ST8SIA5: variants seen among roughly 807,000 people sequenced by gnomAD.
ST8SIA5 encodes ST8 alpha-N-acetyl-neuraminide alpha-2,8-sialyltransferase 5, also known as alpha-2,8-sialyltransferase 8E.
In ST8SIA5, 24 loss-of-function variants were observed where a neutral mutation model predicts 40.2. The observed-to-expected ratio is 0.60, with a 90% confidence interval of 0.43 to 0.84. The LOEUF is 0.84. Ranked by LOEUF, ST8SIA5 falls within the 40% of genes least tolerant of loss-of-function variation. The probability of loss-of-function intolerance (pLI) is 0.00; values close to 1 mark genes in which losing one functional copy is unlikely to be tolerated. For synonymous variants in ST8SIA5, 198 were observed against 201.8 expected (o/e 0.98, Z 0.16); for missense variants, 465 against 498.5 (o/e 0.93, Z 0.64).
At chr18:46,696,444 C>T (rs949430375) in intron 2 of ST8SIA5, among the ~76,000 whole-genome samples, 2 of 152,298 alleles carry the variant, frequency 1.3e-5, no homozygotes, top group South Asian at 2.1e-4. Context: ...CTGTTACCAG[C>T]GTCTGGGCCC....
chr18:46,719,321 A>G (rs1238005158), intron 1 of ST8SIA5, among the ~76,000 whole-genome samples: 5 of 152,114 alleles, frequency 3.3e-5, no homozygotes, highest in South Asian at 2.1e-4. Context: ...GATCATGGAG[A>G]GAGGGGCAGA....
At chr18:46,723,675 C>G (rs868553496) in intron 1 of ST8SIA5, among the ~76,000 whole-genome samples, 1 of 152,156 alleles carries the variant, frequency 6.6e-6, no homozygotes, top group African/African-American at 2.4e-5. Flanking sequence ...CCTGTAATCC[C>G]AGCACTTTGG....
intron 1 of ST8SIA5, chr18:46,723,127 A>G (rs762352087): frequency 1.0e-4 from 16 of 160,760 alleles, no homozygotes; most frequent in Middle Eastern, 8.1e-4. Flanking sequence ...TTTAAAACCT[A>G]TGTTATCCAG....
intron 1 of ST8SIA5, among the ~76,000 whole-genome samples, chr18:46,710,427 C>CTTTCTGTCTTTTTCTT (rs1555695737): frequency 4.2e-4 from 48 of 114,056 alleles, no homozygotes; most frequent in Non-Finnish European, 8.3e-4. Context: ...TTTTCTTTCT[C>CTTTCTGTCTTTTTCTT]TCTCTTTCTT....
intron 1 of ST8SIA5, among the ~76,000 whole-genome samples, chr18:46,720,497 AACAT>A (rs1461471803): frequency 6.6e-6 from 1 of 152,194 alleles, no homozygotes. Flanking sequence ...ATTGAATAAA[AACAT>A]ACATATCAGG....
chr18:46,727,267 G>GT (rs2039940513), intron 1 of ST8SIA5, among the ~76,000 whole-genome samples: 1 of 152,212 alleles, frequency 6.6e-6, no homozygotes, highest in Non-Finnish European at 1.5e-5. Context: ...TCTGGGATAT[G>GT]TTTATGGAGG....
At chr18:46,711,613 G>A (rs149297751) in intron 1 of ST8SIA5, among the ~76,000 whole-genome samples, 511 of 152,260 alleles carry the variant, frequency 3.4e-3, no homozygotes, top group Non-Finnish European at 5.7e-3. Flanking sequence ...AACAGCTGCC[G>A]TCTCGAGATA....
chr18:46,684,034 G>A (rs913688945), intron 5 of ST8SIA5, among the ~76,000 whole-genome samples: 11 of 151,962 alleles, frequency 7.2e-5, no homozygotes, highest in African/African-American at 1.7e-4. Flanking sequence ...GCATCTTGGC[G>A]TGCACATACA....
At chr18:46,709,343 A>G (rs942090012) in intron 1 of ST8SIA5, among the ~76,000 whole-genome samples, 6 of 152,200 alleles carry the variant, frequency 3.9e-5, no homozygotes, top group Admixed American at 3.3e-4. Flanking sequence ...CTCGCCAGAC[A>G]CCAAATCTTC....
intron 1 of ST8SIA5, among the ~76,000 whole-genome samples, chr18:46,720,858 C>A (rs756722855): frequency 6.6e-6 from 1 of 152,120 alleles, no homozygotes; most frequent in South Asian, 2.1e-4. Flanking sequence ...CATGATGGGG[C>A]GCATAGCAAA....
chr18:46,710,546 CTT>C (rs371889933), intron 1 of ST8SIA5, among the ~76,000 whole-genome samples: 39 of 125,630 alleles, frequency 3.1e-4, no homozygotes, highest in Non-Finnish European at 3.2e-4. Flanking sequence ...TTCTTTCTCT[CTT>C]TTTTTTTTTT....
intron 5 of ST8SIA5, among the ~76,000 whole-genome samples, chr18:46,682,706 A>C (rs2039409834): frequency 1.3e-5 from 2 of 152,224 alleles, no homozygotes; most frequent in African/African-American, 4.8e-5. Flanking sequence ...AGATGGAGCC[A>C]TTGCCCTGAG....
chr18:46,704,538 GC>G, intron 2 of ST8SIA5, 33 bp downstream of exon 2: 1 of 1,451,172 alleles, frequency 6.9e-7, no homozygotes, highest in Non-Finnish European at 9.6e-7. Context: ...ACCTCCACAT[GC>G]TCCCTGCACC....
chr18:46,748,581 AG>A (rs1199713078), intron 1 of ST8SIA5, among the ~76,000 whole-genome samples: 3 of 150,392 alleles, frequency 2.0e-5, no homozygotes, highest in Non-Finnish European at 3.0e-5. Context: ...AAAAAGGCAA[AG>A]AATCTAAATA....
intron 2 of ST8SIA5, among the ~76,000 whole-genome samples, chr18:46,693,337 G>T (rs2039526254): frequency 6.6e-6 from 1 of 152,174 alleles, no homozygotes; most frequent in South Asian, 2.1e-4. Context: ...CATGAGCAGG[G>T]CATGCCCTTC....
Position 46,670,866 on chromosome 18 carries a change from C to T in ST8SIA5, c.*9176G>A, listed in dbSNP as rs2039304934. The T allele has an allele frequency of 2.0e-5, 3 of 152,128 alleles. No individual in the cohort carries two copies. The highest frequency in any genetic ancestry group is 6.5e-5 in the Admixed American group (1 of 15,270). The allele number at this position is 152,128 out of a possible 1,614,324, so 9.4% of individuals were successfully genotyped here. On this transcript the variant is annotated 3_prime_UTR_variant, in exon 7 of 7. Coordinates refer to ENST00000315087, the MANE Select transcript of ST8SIA5 (RefSeq NM_013305.6). Reference sequence around the variant, plus strand: ...CTGCCACTTCTTGCTTTATCTAGCACATGTCATCATTCTCTTAGTTTGCTT... The same window carrying T: ...CTGCCACTTCTTGCTTTATCTAGCATATGTCATCATTCTCTTAGTTTGCTT...
chr18:46,702,091 G>A (rs1032623724), intron 2 of ST8SIA5, among the ~76,000 whole-genome samples: 19 of 149,262 alleles, frequency 1.3e-4, no homozygotes, highest in Non-Finnish European at 2.4e-4. Context: ...AGGTTGCAGT[G>A]AGGCGAGATG....
chr18:46,710,280 C>CTCT (rs33937251), intron 1 of ST8SIA5, among the ~76,000 whole-genome samples: 2 of 2,110 alleles, frequency 9.5e-4, no homozygotes, highest in African/African-American at 1.4e-3. Flanking sequence ...GGCATCAGTT[C>CTCT]TCTCCCTGCC....
At chr18:46,711,447 T>C (rs1199161571) in intron 1 of ST8SIA5, among the ~76,000 whole-genome samples, 1 of 152,164 alleles carries the variant, frequency 6.6e-6, no homozygotes, top group Admixed American at 6.5e-5. Flanking sequence ...CTGAGGACTG[T>C]GAGAGCCCGG....
Sources: gnomAD v4.1 joint callset for allele counts (sites outside exome capture counted in the v4.1 genomes callset) on GRCh38, gnomAD v4.1.1 for gene constraint, MANE v1.5 for transcripts, NCBI Gene and HGNC (gene_info 2026-07-23, HGNC 2026-07-21) for gene names.